USH2A: variants seen among roughly 807,000 people sequenced by gnomAD.
USH2A encodes the protein Usher syndrome 2A (autosomal recessive, mild).
Under a neutral mutation model 538.9 loss-of-function variants are expected in USH2A, and 443 were observed. That is an observed-to-expected ratio of 0.82 (90% CI 0.76 to 0.89). The LOEUF is 0.89. USH2A is among the 40% of genes least tolerant of loss of function. The pLI, the probability that USH2A is intolerant of heterozygous loss-of-function variation, is 0.00. For synonymous variants in USH2A, 2,413 were observed against 2,273.5 expected (o/e 1.06, Z -1.75); for missense variants, 6,633 against 6,324.8 (o/e 1.05, Z -1.65).
intron 26 of USH2A, among the ~76,000 whole-genome samples, chr1:216,082,462 TA>T (rs75095481): frequency 0.028 from 3,767 of 132,498 alleles, 119 homozygotes; most frequent in African/African-American, 0.08. Context: ...CTAGGAATGT[TA>T]AAAAAAAAAA....
At chr1:216,204,793 T>C (rs1219463543) in intron 16 of USH2A, among the ~76,000 whole-genome samples, 2 of 152,210 alleles carry the variant, frequency 1.3e-5, no homozygotes, top group African/African-American at 4.8e-5. Flanking sequence ...TACAAAGTTC[T>C]GACAGTGTTA....
intron 9 of USH2A, among the ~76,000 whole-genome samples, chr1:216,308,329 A>T (rs1170010447): frequency 6.6e-6 from 1 of 152,116 alleles, no homozygotes; most frequent in Non-Finnish European, 1.5e-5. Context: ...GTGGTGTATG[A>T]GTCCCCACTT....
chr1:215,689,048 A>C (rs191957215), intron 61 of USH2A, among the ~76,000 whole-genome samples: 13 of 150,884 alleles, frequency 8.6e-5, no homozygotes, highest in Admixed American at 8.5e-4. Context: ...AGGGAAAGAG[A>C]GGAATGAAGG....
At chr1:216,262,230 G>A (rs1272336656) in intron 11 of USH2A, among the ~76,000 whole-genome samples, 1 of 151,904 alleles carries the variant, frequency 6.6e-6, no homozygotes, top group Non-Finnish European at 1.5e-5. Context: ...AAGTAAAAGA[G>A]ATTTTCAAAA....
At position 215,845,884 on chromosome 1, in the gene USH2A, C is replaced by T. The variant is rs1663829157; in HGVS notation, c.8995G>A (p.Val2999Ile). The T allele has an allele frequency of 1.9e-6, 3 of 1,613,752 alleles. No individual in the cohort carries two copies. The highest frequency in any genetic ancestry group is 2.5e-6 in the Non-Finnish European group (3 of 1,179,932). Reference protein sequence around the residue: ...PNTEYWIFISVFNGVHSINSA... With the variant: ...PNTEYWIFISIFNGVHSINSA... ...TTGATGCTGTGGACTCCATTGAAGA[C>T]AGAGATAAAGATCCAATACTCTGTG... The change falls in exon 45 of 72, where the codon GTC becomes ATC. Residue 2999 changes from valine to isoleucine, a missense_variant. By Grantham distance (29) the Val-to-Ile change is conservative. Transcript: ENST00000307340.
intron 4 of USH2A, among the ~76,000 whole-genome samples, chr1:216,359,309 A>G (rs1016660241): frequency 6.6e-6 from 1 of 152,070 alleles, no homozygotes; most frequent in South Asian, 2.1e-4. Flanking sequence ...AAAGAGTTTA[A>G]AAATAGTTAC....
At chr1:216,392,475 G>A (rs2039127478) in intron 3 of USH2A, among the ~76,000 whole-genome samples, 1 of 116,524 alleles carries the variant, frequency 8.6e-6, no homozygotes, top group Non-Finnish European at 1.6e-5. Context: ...CTGGATGACA[G>A]AGCAAGACTC....
At chr1:216,330,927 A>G (rs7532570) in intron 4 of USH2A, among the ~76,000 whole-genome samples, 8,047 of 152,134 alleles carry the variant, frequency 0.053, 294 homozygotes, top group Middle Eastern at 0.11. Context: ...TATTTTAATA[A>G]TAGCTAAAGG....
At chr1:215,834,550 T>G (rs1040166641) in intron 47 of USH2A, among the ~76,000 whole-genome samples, 1 of 152,184 alleles carries the variant, frequency 6.6e-6, no homozygotes, top group African/African-American at 2.4e-5. Context: ...GAAGAGGGGT[T>G]AGCAATAATG....
intron 14 of USH2A, among the ~76,000 whole-genome samples, chr1:216,229,755 T>A (rs1422629708): frequency 1.3e-5 from 2 of 152,194 alleles, no homozygotes; most frequent in African/African-American, 2.4e-5. Flanking sequence ...CCAGTGCTAG[T>A]CAGGCCTACT....
At chr1:216,202,911 C>G (rs1372893732) in intron 16 of USH2A, among the ~76,000 whole-genome samples, 1 of 152,084 alleles carries the variant, frequency 6.6e-6, no homozygotes, top group Non-Finnish European at 1.5e-5. Context: ...CCTTAACACC[C>G]CAAGTTTACT....
chr1:215,640,888 C>T (rs1401224046), intron 67 of USH2A, among the ~76,000 whole-genome samples, 154 bp from the exon 68 acceptor site: 1 of 144,864 alleles, frequency 6.9e-6, no homozygotes, highest in African/African-American at 2.5e-5. Flanking sequence ...TAGAATCCTT[C>T]ACTTTTTCCT....
At chr1:216,155,762 T>C (rs2033924825) in intron 21 of USH2A, among the ~76,000 whole-genome samples, 1 of 152,204 alleles carries the variant, frequency 6.6e-6, no homozygotes, top group Admixed American at 6.5e-5. Context: ...GCAGAACCTT[T>C]TGCCTTGGAC....
At chr1:216,374,371 A>C (rs888979085) in intron 3 of USH2A, among the ~76,000 whole-genome samples, 1 of 151,592 alleles carries the variant, frequency 6.6e-6, no homozygotes, top group African/African-American at 2.4e-5. Context: ...TATTTTGTAG[A>C]TTGCCTCTCA....
intron 50 of USH2A, among the ~76,000 whole-genome samples, chr1:215,792,149 T>C (rs1662000027): frequency 6.6e-6 from 1 of 152,184 alleles, no homozygotes. Flanking sequence ...TTCACTATGC[T>C]TTAAGTATAA....
At chr1:216,231,901 G>T (rs1373579127) in intron 14 of USH2A, 52 bp downstream of exon 14, 15 of 1,610,138 alleles carry the variant, frequency 9.3e-6, no homozygotes, top group Non-Finnish European at 1.1e-5. Flanking sequence ...GCCAAAAAAA[G>T]TTAACTGTTG....
At chr1:215,863,314 T>A (rs1311493940) in intron 44 of USH2A, among the ~76,000 whole-genome samples, 1 of 152,162 alleles carries the variant, frequency 6.6e-6, no homozygotes, top group Non-Finnish European at 1.5e-5. Flanking sequence ...TGTGGTCTCT[T>A]CTATTTGATA....
chr1:215,991,626 T>C (rs1275241079), intron 35 of USH2A, among the ~76,000 whole-genome samples: 2 of 152,242 alleles, frequency 1.3e-5, no homozygotes, highest in Non-Finnish European at 2.9e-5. Flanking sequence ...CAAATTCTTC[T>C]TGCTTGATGA....
rs570589588 is a variant in USH2A at position 216,128,411 on chromosome 1, T to C, written c.4628-31198A>G. Among the ~76,000 whole-genome samples, 415 of 152,182 alleles carry C rather than the reference T, an allele frequency of 2.7e-3. 1 individual carries two copies. The highest frequency in any genetic ancestry group is 0.01 in the Middle Eastern group (3 of 294). On this transcript the variant is annotated intron_variant, in intron 21 of 71. Transcript: ENST00000307340. The stretch of plus-strand genomic sequence containing the variant: ...GCTTTTGTTTTTGCTGCAAGACAAC[T>C]GGTTACCAAAAAAAGTACTATTTTG...
Sources: allele counts gnomAD v4.1 joint callset (sites outside exome capture counted in the v4.1 genomes callset), GRCh38; gene constraint gnomAD v4.1.1; transcripts MANE v1.5; gene names NCBI Gene and HGNC (gene_info 2026-07-23, HGNC 2026-07-21).